The following SLC37A3 variants were observed in gnomAD, a reference collection of about 807,000 sequenced individuals.
SLC37A3 encodes solute carrier family 37 member 3, also known as sugar phosphate exchanger 3.
A neutral mutation model predicts 67.1 loss-of-function variants in SLC37A3; 51 were observed. The observed-to-expected ratio is 0.76, with a 90% CI of 0.61 to 0.96. SLC37A3 has a LOEUF of 0.96. Among genes scored for constraint, SLC37A3 ranks in the 40% least tolerant of loss-of-function variants. The pLI, the probability that SLC37A3 is intolerant of heterozygous loss-of-function variation, is 0.00. For synonymous variants in SLC37A3, 214 were observed against 231.4 expected, an observed-to-expected ratio of 0.92 and a Z score of 0.68; for missense variants, 508 against 603.0, an observed-to-expected ratio of 0.84 and a Z score of 1.65.
intron 5 of SLC37A3, 29 bp from the exon 6 acceptor site, chr7:140,358,814 G>C (rs758349850): frequency 5.0e-6 from 8 of 1,613,588 alleles, no homozygotes; most frequent in Non-Finnish European, 6.8e-6. Context: ...AAAGGAATAT[G>C]TAACAGCCAC....
At chr7:140,391,461 C>T (rs953776357) in intron 1 of SLC37A3, among the ~76,000 whole-genome samples, 1 of 152,172 alleles carries the variant, frequency 6.6e-6, no homozygotes, top group African/African-American at 2.4e-5. Flanking sequence ...GAGGCTGAGG[C>T]AGGAGAATCA....
At chr7:140,341,676 G>A (rs1415932761) in intron 13 of SLC37A3, among the ~76,000 whole-genome samples, 1 of 152,154 alleles carries the variant, frequency 6.6e-6, no homozygotes, top group Non-Finnish European at 1.5e-5. Context: ...AACCATGAAG[G>A]TCAGTCTAGG....
intron 3 of SLC37A3, 69 bp from the exon 4 acceptor site, chr7:140,369,751 C>G (rs1563037324): frequency 4.0e-6 from 5 of 1,246,132 alleles, no homozygotes; most frequent in Non-Finnish European, 5.8e-6. Context: ...TCCCAAAGCC[C>G]CTTCACAAAC....
intron 3 of SLC37A3, among the ~76,000 whole-genome samples, chr7:140,373,667 CTTTT>C (rs1173507312): frequency 2.4e-5 from 3 of 124,388 alleles, no homozygotes; most frequent in East Asian, 4.8e-4. Context: ...TCTCAAAGAA[CTTTT>C]TTTTTCTTTT....
At chr7:140,382,913 C>T (rs896511708) in intron 1 of SLC37A3, among the ~76,000 whole-genome samples, 38 of 151,920 alleles carry the variant, frequency 2.5e-4, no homozygotes, top group African/African-American at 8.9e-4. Context: ...GGCTATTAAA[C>T]TTGAGAAATA....
intron 5 of SLC37A3, 130 bp from the exon 6 acceptor site, chr7:140,358,915 C>T: frequency 8.6e-7 from 1 of 1,167,536 alleles, no homozygotes; most frequent in Non-Finnish European, 1.2e-6. Context: ...GCCTGTAAGT[C>T]ACGTGGCCAG....
At chr7:140,380,515 A>G in intron 2 of SLC37A3, 125 bp from the exon 3 acceptor site, 1 of 617,612 alleles carries the variant, frequency 1.6e-6, no homozygotes, top group Non-Finnish European at 2.8e-6. Context: ...CAGCCACCTG[A>G]ACCAAAATAG....
Position 140,385,859 on chromosome 7 carries a change from T to C in SLC37A3, c.-70-3263A>G, listed in dbSNP as rs375701280. 9.4e-3 allele frequency among the ~76,000 whole-genome samples: 1,430 copies of C among 152,316 alleles called. 21 individuals carry two copies. Among genetic ancestry groups the C allele is most frequent in the African/African-American group, 0.032 (1,344 of 41,576 alleles). On this transcript the variant is annotated intron_variant, in intron 1 of 14. Transcript: ENST00000326232. The stretch of plus-strand genomic sequence containing the variant: ...ATGCAGTGGCACGATCTCGGCCCAC[T>C]GCAACCTCCAACTCCCAGGTTCAAG...
In SLC37A3 at chr7:140,343,387, C is replaced by T. The variant is rs368672135; in HGVS notation, c.1326+25G>A. On this transcript the variant is annotated intron_variant, in intron 13 of 14. Coordinates refer to ENST00000326232, the MANE Select transcript of SLC37A3 (RefSeq NM_207113.3). ...CGCCTTTGAGGGAAGACACTAGAAT[C>T]CCAGCCCCTCTCCTGTTCTCTCACC... The T allele has an allele frequency of 8.7e-6, 14 of 1,611,844 alleles. No individual in the cohort carries two copies. The African/African-American group carries it at 1.9e-4, about 22-fold the overall frequency.
chr7:140,355,700 G>C lies in SLC37A3; in HGVS notation c.586C>G (p.Leu196Val). The change falls in exon 7 of 15, where the codon CTA becomes GTA. Residue 196 changes from leucine to valine, a missense_variant. Coordinates refer to ENST00000326232, the MANE Select transcript of SLC37A3 (RefSeq NM_207113.3). ...ASVGNILGAC[L>V]ASSVLQYGYE... is the part of the protein sequence containing the mutation. ...CCATACTGAAGAACAGAAGAAGCTAGGCACGCTCCCAAAATGTTGCCCACC... is the reference window on the plus strand; with the variant it reads ...CCATACTGAAGAACAGAAGAAGCTACGCACGCTCCCAAAATGTTGCCCACC... 6.2e-7 allele frequency: 1 copy of C among 1,613,928 alleles called. No homozygotes were observed. The highest frequency in any genetic ancestry group is 2.2e-5 in the East Asian group (1 of 44,880).
At chr7:140,355,429 G>T (rs980505895) in intron 7 of SLC37A3, among the ~76,000 whole-genome samples, 15 of 151,428 alleles carry the variant, frequency 9.9e-5, no homozygotes, top group African/African-American at 3.6e-4. Context: ...GGCCAAACTG[G>T]TCTCAAACTC....
In SLC37A3 at chr7:140,355,775, A is replaced by G. The variant is rs776276524; in HGVS notation, c.522-11T>C. 6.2e-7 allele frequency: 1 copy of G among 1,611,392 alleles called. No individual in the cohort carries two copies. Among genetic ancestry groups the G allele is most frequent in the East Asian group, 2.2e-5 (1 of 44,890 alleles). ...AAAACAACTCCTCGTCTAAGATGGA[A>G]AACAGTGGGAGACAAAGGGCCATGG... On this transcript the variant is annotated splice_polypyrimidine_tract_variant and intron_variant, in intron 6 of 14. Coordinates refer to ENST00000326232, the MANE Select transcript of SLC37A3 (RefSeq NM_207113.3).
chr7:140,383,514 G>C (rs985792922), intron 1 of SLC37A3, among the ~76,000 whole-genome samples: 1 of 152,044 alleles, frequency 6.6e-6, no homozygotes, highest in Non-Finnish European at 1.5e-5. Context: ...TGTTCTAAAT[G>C]ATCTTCTATT....
At chr7:140,364,382 A>T (rs371496975) in intron 5 of SLC37A3, 26 bp downstream of exon 5, 68 of 1,596,052 alleles carry the variant, frequency 4.3e-5, no homozygotes, top group Admixed American at 5.2e-5. Context: ...TGACCAAAAT[A>T]ATAATAATAA....
intron 8 of SLC37A3, 85 bp from the exon 9 acceptor site, chr7:140,351,536 T>C: frequency 1.5e-5 from 21 of 1,362,204 alleles, no homozygotes; most frequent in Non-Finnish European, 2.1e-5. Flanking sequence ...TGAGGTGATG[T>C]TATTTTTATT....
chr7:140,339,212 A>G (rs1384097945), intron 13 of SLC37A3, among the ~76,000 whole-genome samples: 1 of 151,250 alleles, frequency 6.6e-6, no homozygotes. Context: ...TTTGGCTACT[A>G]TGAATAATAC....
At chr7:140,336,908 G>A (rs1796154968) in intron 14 of SLC37A3, among the ~76,000 whole-genome samples, 1 of 149,226 alleles carries the variant, frequency 6.7e-6, no homozygotes, top group Non-Finnish European at 1.5e-5. Context: ...AGACCAGCCT[G>A]GCCAATATGG....
intron 6 of SLC37A3, among the ~76,000 whole-genome samples, chr7:140,356,552 G>A (rs1797036579): frequency 6.6e-6 from 1 of 151,846 alleles, no homozygotes; most frequent in African/African-American, 2.4e-5. Context: ...CATGGTGGCT[G>A]CACACCTATA....
At chr7:140,391,839 G>A (rs1798737128) in intron 1 of SLC37A3, among the ~76,000 whole-genome samples, 1 of 152,094 alleles carries the variant, frequency 6.6e-6, no homozygotes, top group African/African-American at 2.4e-5. Context: ...TATCTGTACT[G>A]CACAAAGCCC....
Sources: gnomAD v4.1 joint callset for allele counts (sites outside exome capture counted in the v4.1 genomes callset) on GRCh38, gnomAD v4.1.1 for gene constraint, MANE v1.5 for transcripts, NCBI Gene and HGNC (gene_info 2026-07-23, HGNC 2026-07-21) for gene names.